The following CA12 variants were observed in gnomAD, a reference collection of about 807,000 sequenced individuals.
CA12 encodes carbonate dehydratase XII.
A neutral mutation model predicts 46.8 loss-of-function variants in CA12; 36 were observed. That is an observed-to-expected ratio of 0.77 (90% CI 0.59 to 1.02). The LOEUF is 1.02. CA12 is among the 50% of genes least tolerant of loss of function. The pLI is 0.00. For missense variants in CA12, 436 were observed against 451.4 expected (o/e 0.97, Z 0.31); for synonymous variants, 202 against 187.0 (o/e 1.08, Z -0.65).
chr15:63,346,474 TG>T, intron 3 of CA12, 55 bp downstream of exon 3: 1 of 1,348,446 alleles, frequency 7.4e-7, no homozygotes, highest in Non-Finnish European at 1.0e-6. Flanking sequence ...AGGACAGGCC[TG>T]GCAGCTGAGG....
Position 63,327,493 on chromosome 15 carries a change from A to G in CA12, c.908-260T>C, listed in dbSNP as rs940661030. Among the ~76,000 whole-genome samples the G allele has an allele frequency of 1.4e-5, 2 of 147,462 alleles. No individual in the cohort carries two copies. Among genetic ancestry groups the G allele is most frequent in the Non-Finnish European group, 3.0e-5 (2 of 67,186 alleles). ...GGGTCATCTGAAGAGCTTGTTTAAA[A>G]TGTAGGGTTTTTTTTTTTTTTTTAG... is the stretch of plus-strand genomic sequence containing the variant. On this transcript the variant is annotated intron_variant, in intron 9 of 10. Transcript: ENST00000178638. This position sits in a 1 kb window ranked among gnomAD's most constrained non-coding sequence, Gnocchi z 4.5.
intron 3 of CA12, 32 bp downstream of exon 3, chr15:63,346,498 T>C (rs2039149951): frequency 2.2e-6 from 3 of 1,380,592 alleles, no homozygotes; most frequent in African/African-American, 1.5e-5. Flanking sequence ...GACTCAGACA[T>C]ACCCCTCAGG....
rs749847990 is a variant in CA12, at chr15:63,373,222, G to A, written c.106+2436C>T. 3.3e-5 allele frequency among the ~76,000 whole-genome samples: 5 copies of A among 152,050 alleles called. No homozygotes were observed. In the South Asian group the frequency reaches 6.2e-4, roughly 19 times the overall value. On this transcript the variant is annotated intron_variant, in intron 2 of 10. Transcript: ENST00000178638. This position sits in a 1 kb window ranked among gnomAD's most constrained non-coding sequence, Gnocchi z 4.9. Reference sequence around the variant, plus strand: ...TCTAATAAAAATACAGAAATTAGCCGGGCGTGATGGCACACCCCTGTAATC... The same window carrying A: ...TCTAATAAAAATACAGAAATTAGCCAGGCGTGATGGCACACCCCTGTAATC...
Position 63,339,054 on chromosome 15 carries a change from G to C in CA12, c.748-109C>G. 1.5e-6 allele frequency: 2 copies of C among 1,363,756 alleles called. No homozygotes were observed. Among genetic ancestry groups the C allele is most frequent in the Non-Finnish European group, 2.0e-6 (2 of 976,874 alleles). The allele number at this position is 1,363,756 out of a possible 1,614,324, so 84.5% of individuals were successfully genotyped here. A position where few individuals can be genotyped will look rare whatever the true frequency, so the allele number is the denominator to read the frequency against. ...CACCTGGGAGAAGCCTCTGGAACCAGCTTCTGTGGGGCCGGGTGGGAGATA... is the reference window on the plus strand; with the variant it reads ...CACCTGGGAGAAGCCTCTGGAACCACCTTCTGTGGGGCCGGGTGGGAGATA... On this transcript the variant is annotated intron_variant, in intron 7 of 10. Transcript: ENST00000178638. The surrounding 1 kb of genome is among the most constrained non-coding windows in gnomAD (Gnocchi z 4.3).
rs148834922 is a variant in CA12, at chr15:63,338,140, G to A, written c.874+679C>T. 2.3e-3 allele frequency among the ~76,000 whole-genome samples: 348 copies of A among 152,304 alleles called. 3 individuals are homozygous for A. The highest frequency in any genetic ancestry group is 0.01 in the Middle Eastern group (3 of 294). ...GTTAATGTTCTACTGGGGAGTTATT[G>A]GTTACAGCTGTGAAAGGGAGACCCG... is the stretch of plus-strand genomic sequence containing the variant. On this transcript the variant is annotated intron_variant, in intron 8 of 10. Coordinates refer to ENST00000178638, the MANE Select transcript of CA12 (RefSeq NM_001218.5).
chr15:63,343,671 T>C (rs1422675184), intron 4 of CA12, among the ~76,000 whole-genome samples: 3 of 152,210 alleles, frequency 2.0e-5, no homozygotes, highest in Non-Finnish European at 4.4e-5. Context: ...CCCTGATGCC[T>C]TTTCTCTAGT....
intron 2 of CA12, among the ~76,000 whole-genome samples, chr15:63,347,967 G>GC (rs2039175008): frequency 6.6e-6 from 1 of 152,126 alleles, no homozygotes; most frequent in South Asian, 2.1e-4. Flanking sequence ...TGTTATATTG[G>GC]CCCCACAGAA....
At chr15:63,337,351 T>C (rs975534968) in intron 8 of CA12, among the ~76,000 whole-genome samples, 15 of 152,160 alleles carry the variant, frequency 9.9e-5, no homozygotes, top group Non-Finnish European at 4.4e-5. Flanking sequence ...GTTTAGGAGG[T>C]GATCGTTATA....
chr15:63,346,347 C>T (rs910239861), intron 3 of CA12, among the ~76,000 whole-genome samples, 183 bp downstream of exon 3: 1 of 152,156 alleles, frequency 6.6e-6, no homozygotes, highest in Non-Finnish European at 1.5e-5. Flanking sequence ...TCCTCAGAGC[C>T]CAGAGCCTCC....
chr15:63,376,557 C>CCTTTCTTTCCTTT (rs1555432629), intron 1 of CA12, among the ~76,000 whole-genome samples: 1 of 104,526 alleles, frequency 9.6e-6, no homozygotes, highest in Non-Finnish European at 2.0e-5. Context: ...CTCTTTCTTT[C>CCTTTCTTTCCTTT]CTTTCTTTCT....
rs769212482 is a variant in CA12, at chr15:63,324,379, G to T, written c.*1906C>A. The T allele has an allele frequency of 7.2e-5, 11 of 152,332 alleles. No individual in the cohort carries two copies. Among genetic ancestry groups the T allele is most frequent in the Middle Eastern group, 6.8e-3 (2 of 294 alleles). 9.4% of individuals were successfully genotyped at this position (152,332 alleles called of 1,614,324 possible). On this transcript the variant is annotated 3_prime_UTR_variant, in exon 11 of 11. Coordinates refer to ENST00000178638, the MANE Select transcript of CA12 (RefSeq NM_001218.5). ...TGACAGACAGTCCCACTGCTCTGGA[G>T]TCCTTTATGTTCATTTCTGATTGAC... is the stretch of plus-strand genomic sequence containing the variant.
rs1442517228 is a variant in CA12, at chr15:63,345,992, CT to C, written c.287-374del. Among the ~76,000 whole-genome samples, 9 of 152,336 alleles carry C rather than the reference CT, an allele frequency of 5.9e-5. No homozygotes were observed. The East Asian group carries it at 1.7e-3, about 29-fold the overall frequency. On this transcript the variant is annotated intron_variant, in intron 3 of 10. Coordinates refer to ENST00000178638, the MANE Select transcript of CA12 (RefSeq NM_001218.5). This position sits in a 1 kb window ranked among gnomAD's most constrained non-coding sequence, Gnocchi z 4.3. ...AATTATATAGCAACAGCAACGATAA[CT>C]GCTATTTATGAAGCATTTACTTCAC...
In CA12 at chr15:63,329,452, C is replaced by T. The variant is rs891622830; in HGVS notation, c.875-1322G>A. On this transcript the variant is annotated intron_variant, in intron 8 of 10. Transcript: ENST00000178638. The surrounding 1 kb of genome is among the most constrained non-coding windows in gnomAD (Gnocchi z 4.8). ...TGAAGTCTCCCCTGAAAACCCTCAGCCTGTTTTTTCCAAGGTTCCCACAGC... is the reference window on the plus strand; with the variant it reads ...TGAAGTCTCCCCTGAAAACCCTCAGTCTGTTTTTTCCAAGGTTCCCACAGC... Among the ~76,000 whole-genome samples, 62 of 152,336 alleles carry T rather than the reference C, an allele frequency of 4.1e-4. No homozygotes were observed. The highest frequency in any genetic ancestry group is 1.4e-3 in the African/African-American group (60 of 41,570).
At chr15:63,361,046 G>A (rs1325564387) in intron 2 of CA12, among the ~76,000 whole-genome samples, 1 of 152,206 alleles carries the variant, frequency 6.6e-6, no homozygotes, top group Non-Finnish European at 1.5e-5. Context: ...CAGTGAAGCT[G>A]GAAAGCTAGC....
In CA12 at chr15:63,363,040, G is replaced by T. The variant is rs1461504044; in HGVS notation, c.106+12618C>A. ...GGCAGTACCTATCTCACCGGGTGCTGTGCTGTGAGGAATCACTGCGTAAGA... is the reference window on the plus strand; with the variant it reads ...GGCAGTACCTATCTCACCGGGTGCTTTGCTGTGAGGAATCACTGCGTAAGA... On this transcript the variant is annotated intron_variant, in intron 2 of 10. Transcript: ENST00000178638. 2.0e-5 allele frequency among the ~76,000 whole-genome samples: 3 copies of T among 152,198 alleles called. No homozygotes were observed. In the East Asian group the frequency reaches 5.8e-4, roughly 29 times the overall value.
intron 8 of CA12, among the ~76,000 whole-genome samples, chr15:63,337,706 C>T (rs899885660): frequency 1.3e-5 from 2 of 151,650 alleles, no homozygotes; most frequent in Admixed American, 6.6e-5. Context: ...CCACCCACCT[C>T]GGCCTCCCAA....
rs2038864540 is a variant in CA12, at chr15:63,326,246, C to G, written c.*39G>C. Reference sequence around the variant, plus strand: ...GAGCCGAAGTGTGTAGGGTCCAAAGCAAGGTCCTTCCTGGATGTGCCCGGG... The same window carrying G: ...GAGCCGAAGTGTGTAGGGTCCAAAGGAAGGTCCTTCCTGGATGTGCCCGGG... On this transcript the variant is annotated 3_prime_UTR_variant, in exon 11 of 11. Transcript: ENST00000178638. The G allele has an allele frequency of 6.5e-7, 1 of 1,538,598 alleles. No individual in the cohort carries two copies. The highest frequency in any genetic ancestry group is 1.4e-5 in the African/African-American group (1 of 73,400).
intron 1 of CA12, among the ~76,000 whole-genome samples, chr15:63,377,001 T>C (rs1042990381): frequency 6.6e-6 from 1 of 152,044 alleles, no homozygotes; most frequent in Non-Finnish European, 1.5e-5. Context: ...ATTCCAGGGG[T>C]AGTAGGAATG....
At chr15:63,346,365 C>G (rs1383620057) in intron 3 of CA12, among the ~76,000 whole-genome samples, 165 bp downstream of exon 3, 2 of 152,182 alleles carry the variant, frequency 1.3e-5, no homozygotes, top group African/African-American at 2.4e-5. Flanking sequence ...TCCAGCATCC[C>G]CTGGAGAGAG....
Sources: gnomAD v4.1 joint callset for allele counts (sites outside exome capture counted in the v4.1 genomes callset) on GRCh38, gnomAD v4.1.1 for gene constraint, Gnocchi (gnomAD v3.1) non-coding constraint, MANE v1.5 for transcripts, NCBI Gene and HGNC (gene_info 2026-07-23, HGNC 2026-07-21) for gene names.